Variants in STXBP6 observed in about 807,000 individuals in gnomAD.
The protein encoded by STXBP6 is syntaxin-binding protein 6.
A neutral mutation model predicts 26.9 loss-of-function variants in STXBP6; 21 were observed. That is an observed-to-expected ratio of 0.78 (90% CI 0.55 to 1.12). STXBP6 has a LOEUF of 1.12. Ranked by LOEUF, STXBP6 falls within the 50% of genes most tolerant of loss-of-function variation. STXBP6 has a pLI of 0.00. For missense variants in STXBP6, 232 were observed against 257.9 expected, an observed-to-expected ratio of 0.90 and a Z score of 0.69; for synonymous variants, 97 against 92.6, an observed-to-expected ratio of 1.05 and a Z score of -0.27.
chr14:24,946,394 A>G (rs1315121196), intron 2 of STXBP6, among the ~76,000 whole-genome samples: 2 of 152,202 alleles, frequency 1.3e-5, no homozygotes, highest in South Asian at 2.1e-4. Context: ...AAGGTACAGG[A>G]GATCTGCAAT....
chr14:25,049,220 G>A lies in STXBP6; in HGVS notation c.-33+658C>T. The A allele has an allele frequency of 1.0e-6, 1 of 985,490 alleles. No homozygotes were observed. The highest frequency in any genetic ancestry group is 1.2e-6 in the Non-Finnish European group (1 of 829,978). The allele number at this position is 985,490 out of a possible 1,614,324, so 61.0% of individuals were successfully genotyped here. On this transcript the variant is annotated intron_variant, in intron 1 of 5. Coordinates refer to ENST00000323944, the MANE Select transcript of STXBP6 (RefSeq NM_001394410.1). This position sits in a 1 kb window ranked among gnomAD's most constrained non-coding sequence, Gnocchi z 5.6. ...CAAGCCACCCACCTACTCCAGCCAC[G>A]TTGCCCGGCGGTGTTGGTGAGGCTC...
rs986753246 is a variant in STXBP6 at position 24,924,591 on chromosome 14, G to A, written c.154+50074C>T. Among the ~76,000 whole-genome samples, 13 of 152,250 alleles carry A rather than the reference G, an allele frequency of 8.5e-5. 2 individuals are homozygous for A. The highest frequency in any genetic ancestry group is 3.4e-3 in the Middle Eastern group (1 of 294). ...TTCTTATTCATTAAGAATAAGAATC[G>A]TTTGGTGCCCATTTGGTGTTTCTCC... On this transcript the variant is annotated intron_variant, in intron 2 of 5. Coordinates refer to ENST00000323944, the MANE Select transcript of STXBP6 (RefSeq NM_001394410.1).
chr14:24,900,134 T>A (rs2071160365), intron 2 of STXBP6, among the ~76,000 whole-genome samples: 1 of 152,228 alleles, frequency 6.6e-6, no homozygotes, highest in Non-Finnish European at 1.5e-5. Context: ...TTCCTAATAT[T>A]AGATTTTTCT....
chr14:24,962,032 G>T (rs1056451798), intron 2 of STXBP6, among the ~76,000 whole-genome samples: 3 of 152,142 alleles, frequency 2.0e-5, no homozygotes, highest in Non-Finnish European at 4.4e-5. Context: ...CCAAATGCAT[G>T]AGGTACCTCT....
chr14:25,033,692 A>G (rs1399517682), intron 1 of STXBP6, among the ~76,000 whole-genome samples: 1 of 152,110 alleles, frequency 6.6e-6, no homozygotes, highest in African/African-American at 2.4e-5. Flanking sequence ...GCCCTAATTT[A>G]TTTGACTAGG....
chr14:24,895,810 T>C (rs2070969808), intron 2 of STXBP6, among the ~76,000 whole-genome samples: 1 of 152,214 alleles, frequency 6.6e-6, no homozygotes, highest in Non-Finnish European at 1.5e-5. Flanking sequence ...ACGAACACGC[T>C]GCCTAACCTC....
intron 2 of STXBP6, among the ~76,000 whole-genome samples, chr14:24,866,457 A>G (rs2069726583): frequency 6.6e-6 from 1 of 152,004 alleles, no homozygotes; most frequent in Non-Finnish European, 1.5e-5. Flanking sequence ...ATGTGTGTGT[A>G]TGTATATACA....
intron 2 of STXBP6, among the ~76,000 whole-genome samples, chr14:24,908,249 A>G (rs2071450935): frequency 1.3e-5 from 2 of 152,194 alleles, no homozygotes; most frequent in Admixed American, 6.5e-5. Flanking sequence ...TCTATCTTTT[A>G]GCACTACTTA....
At chr14:25,005,488 T>G (rs2140351654) in intron 1 of STXBP6, among the ~76,000 whole-genome samples, 1 of 152,328 alleles carries the variant, frequency 6.6e-6, no homozygotes, top group African/African-American at 2.4e-5. Context: ...TCACCACCAC[T>G]TATGCAGTCA....
intron 4 of STXBP6, among the ~76,000 whole-genome samples, chr14:24,819,959 A>G (rs889495998): frequency 1.3e-5 from 2 of 152,210 alleles, no homozygotes; most frequent in Admixed American, 1.3e-4. Flanking sequence ...CAAACTCAGG[A>G]GTGGTGATAC....
At chr14:24,914,654 C>T (rs1405994937) in intron 2 of STXBP6, among the ~76,000 whole-genome samples, 1 of 152,182 alleles carries the variant, frequency 6.6e-6, no homozygotes, top group Admixed American at 6.6e-5. Flanking sequence ...CTCCCTGTTA[C>T]AGCTGTCTAT....
intron 2 of STXBP6, among the ~76,000 whole-genome samples, chr14:24,899,801 C>CAAAAAAAAA (rs56666133): frequency 9.2e-6 from 1 of 108,644 alleles, no homozygotes; most frequent in Non-Finnish European, 1.7e-5. Flanking sequence ...AAAAAAAAAG[C>CAAAAAAAAA]AAAAAAAAAA....
chr14:24,897,522 A>G (rs891183710), intron 2 of STXBP6, among the ~76,000 whole-genome samples: 7 of 151,534 alleles, frequency 4.6e-5, no homozygotes, highest in African/African-American at 1.7e-4. Flanking sequence ...GTCATTATCT[A>G]TCCAACTTGT....
At chr14:24,831,725 G>C (rs1481600921) in intron 4 of STXBP6, among the ~76,000 whole-genome samples, 1 of 152,174 alleles carries the variant, frequency 6.6e-6, no homozygotes, top group Non-Finnish European at 1.5e-5. Context: ...TTGGTTCTTA[G>C]AGAAGTTTTA....
At chr14:24,881,366 C>T (rs56294606) in intron 2 of STXBP6, among the ~76,000 whole-genome samples, 47,728 of 151,966 alleles carry the variant, frequency 0.31, 7,952 homozygotes, top group Admixed American at 0.46. Context: ...AAAGCAAATC[C>T]CTGTCTAGGG....
chr14:24,926,697 G>A (rs1235517279), intron 2 of STXBP6, among the ~76,000 whole-genome samples: 1 of 152,054 alleles, frequency 6.6e-6, no homozygotes, highest in South Asian at 2.1e-4. Flanking sequence ...GTAGCATTAC[G>A]GTTAAGAGCA....
At chr14:24,949,131 C>G (rs1331181603) in intron 2 of STXBP6, among the ~76,000 whole-genome samples, 1 of 152,026 alleles carries the variant, frequency 6.6e-6, no homozygotes, top group African/African-American at 2.4e-5. Context: ...GAGTAAGCAC[C>G]ATTAGAGCAA....
At chr14:25,040,487 C>A (rs909996445) in intron 1 of STXBP6, among the ~76,000 whole-genome samples, 1 of 152,146 alleles carries the variant, frequency 6.6e-6, no homozygotes, top group Non-Finnish European at 1.5e-5. Context: ...AGTAACAGTA[C>A]CTACCTCTGA....
chr14:25,003,810 C>T (rs533861484), intron 1 of STXBP6, among the ~76,000 whole-genome samples: 35 of 152,330 alleles, frequency 2.3e-4, no homozygotes, highest in Non-Finnish European at 4.3e-4. Context: ...CAAGACAAAA[C>T]ATCACATGAA....
Sources: gnomAD v4.1 joint callset for allele counts (sites outside exome capture counted in the v4.1 genomes callset) on GRCh38, gnomAD v4.1.1 for gene constraint, Gnocchi (gnomAD v3.1) non-coding constraint, MANE v1.5 for transcripts, NCBI Gene and HGNC (gene_info 2026-07-23, HGNC 2026-07-21) for gene names.